The following IGF2BP2 variants were observed in gnomAD, a reference collection of about 807,000 sequenced individuals.
The protein encoded by IGF2BP2 is insulin-like growth factor 2 mRNA-binding protein 2.
IGF2BP2 carries 17 observed loss-of-function variants against 75.8 expected under a neutral mutation model. The observed-to-expected ratio is 0.22, with a 90% confidence interval of 0.15 to 0.34. IGF2BP2 has a LOEUF of 0.34. Ranked by LOEUF, IGF2BP2 falls within the 10% of genes least tolerant of loss-of-function variation. The pLI is 1.00. For missense variants in IGF2BP2, 516 were observed against 772.4 expected (o/e 0.67, Z 3.93); for synonymous variants, 288 against 295.6 (o/e 0.97, Z 0.26).
At chr3:185,653,659 T>C (rs1714969323) in intron 12 of IGF2BP2, among the ~76,000 whole-genome samples, 3 of 151,398 alleles carry the variant, frequency 2.0e-5, no homozygotes, top group African/African-American at 7.3e-5. Context: ...TTTAGGATTG[T>C]AAGGATGAGC....
intron 13 of IGF2BP2, among the ~76,000 whole-genome samples, chr3:185,650,766 T>TCCA (rs1201052447): frequency 6.6e-6 from 1 of 152,220 alleles, no homozygotes; most frequent in Non-Finnish European, 1.5e-5. Context: ...TCAGAACATT[T>TCCA]CCACACTATT....
At chr3:185,743,433 G>A (rs1026386445) in intron 2 of IGF2BP2, among the ~76,000 whole-genome samples, 1 of 151,984 alleles carries the variant, frequency 6.6e-6, no homozygotes, top group Non-Finnish European at 1.5e-5. Flanking sequence ...GTGTCACCAC[G>A]CCTGGCTAAT....
chr3:185,727,361 C>T (rs1174086278), intron 2 of IGF2BP2, among the ~76,000 whole-genome samples: 1 of 152,118 alleles, frequency 6.6e-6, no homozygotes, highest in Admixed American at 6.5e-5. Context: ...CCTCACAGAG[C>T]GGGCTATGCA....
chr3:185,697,792 C>T (rs1470353749), intron 3 of IGF2BP2, among the ~76,000 whole-genome samples: 3 of 152,060 alleles, frequency 2.0e-5, no homozygotes, highest in Non-Finnish European at 4.4e-5. Flanking sequence ...CGAGGCCAGC[C>T]TGGACAACAT....
chr3:185,677,732 C>T (rs756557944), intron 7 of IGF2BP2, among the ~76,000 whole-genome samples: 2 of 152,006 alleles, frequency 1.3e-5, no homozygotes, highest in Non-Finnish European at 2.9e-5. Flanking sequence ...AAAAATTATG[C>T]ATGAACAAAA....
At chr3:185,824,333 G>A (rs1741758896) in intron 1 of IGF2BP2, among the ~76,000 whole-genome samples, 1 of 151,356 alleles carries the variant, frequency 6.6e-6, no homozygotes, top group Non-Finnish European at 1.5e-5. Flanking sequence ...CACTGGAAGA[G>A]AGAAGGTCCG....
At chr3:185,669,504 T>C (rs1434411371) in intron 10 of IGF2BP2, among the ~76,000 whole-genome samples, 1 of 135,670 alleles carries the variant, frequency 7.4e-6, no homozygotes, top group Non-Finnish European at 1.5e-5. Context: ...CAAAAGTACA[T>C]ACTCCCTGCT....
chr3:185,677,007 G>T (rs1416587353), intron 7 of IGF2BP2, among the ~76,000 whole-genome samples: 1 of 121,838 alleles, frequency 8.2e-6, no homozygotes, highest in Non-Finnish European at 1.7e-5. Flanking sequence ...TATATGGAGA[G>T]ATTATATATA....
At chr3:185,739,475 A>C (rs1186761810) in intron 2 of IGF2BP2, among the ~76,000 whole-genome samples, 2 of 152,180 alleles carry the variant, frequency 1.3e-5, no homozygotes, top group African/African-American at 4.8e-5. Context: ...TCAAAAGGCA[A>C]ATAGATCTTC....
rs184463461 is a variant in IGF2BP2 at position 185,672,296 on chromosome 3, G to A, written c.1200+245C>T. On this transcript the variant is annotated intron_variant, in intron 10 of 15. Transcript: ENST00000382199. ...CTTCTAGTTGATGAATTTGCTATGAGTTTCTTTCTTTGCTAGTTATGACAT... is the reference window on the plus strand; with the variant it reads ...CTTCTAGTTGATGAATTTGCTATGAATTTCTTTCTTTGCTAGTTATGACAT... Among the ~76,000 whole-genome samples the A allele has an allele frequency of 1.6e-4, 25 of 152,274 alleles. No individual in the cohort carries two copies. In the South Asian group the frequency reaches 3.3e-3, roughly 20 times the overall value.
At chr3:185,721,068 C>T (rs1726457758) in intron 2 of IGF2BP2, among the ~76,000 whole-genome samples, 5 of 152,126 alleles carry the variant, frequency 3.3e-5, no homozygotes, top group Admixed American at 2.6e-4. Flanking sequence ...CTCCTGTGTA[C>T]TGTCAATAGA....
Position 185,645,703 on chromosome 3 carries a change from T to G in IGF2BP2, c.1708-80A>C. 9.7e-7 allele frequency: 1 copy of G among 1,035,144 alleles called. No homozygotes were observed. The highest frequency in any genetic ancestry group is 1.5e-6 in the Non-Finnish European group (1 of 658,552). 64.1% of individuals were successfully genotyped at this position (1,035,144 alleles called of 1,614,324 possible). The stretch of plus-strand genomic sequence containing the variant: ...TCTGAGGACAAACGGCAGGGGAGGC[T>G]CTGGGGCTTGGGGATGAAGGGTGGA... On this transcript the variant is annotated intron_variant, in intron 15 of 15. Coordinates refer to ENST00000382199, the MANE Select transcript of IGF2BP2 (RefSeq NM_006548.6). The surrounding 1 kb of genome is among the most constrained non-coding windows in gnomAD (Gnocchi z 4.9).
At chr3:185,736,603 T>C (rs2149541845) in intron 2 of IGF2BP2, among the ~76,000 whole-genome samples, 1 of 152,360 alleles carries the variant, frequency 6.6e-6, no homozygotes, top group Non-Finnish European at 1.5e-5. Context: ...TTACCCAATG[T>C]GGCCGTGAAT....
At chr3:185,791,766 T>C (rs1736672042) in intron 2 of IGF2BP2, among the ~76,000 whole-genome samples, 1 of 152,268 alleles carries the variant, frequency 6.6e-6, no homozygotes, top group Non-Finnish European at 1.5e-5. Context: ...GCTTATAGCA[T>C]CATGTAACCT....
intron 4 of IGF2BP2, 120 bp from the exon 5 acceptor site, chr3:185,692,882 T>C: frequency 1.3e-6 from 1 of 773,590 alleles, no homozygotes; most frequent in South Asian, 1.6e-5. Context: ...GGCTCCACAG[T>C]TATCTGCATC....
At chr3:185,816,610 C>T (rs945400016) in intron 2 of IGF2BP2, among the ~76,000 whole-genome samples, 8 of 152,142 alleles carry the variant, frequency 5.3e-5, no homozygotes, top group Non-Finnish European at 7.3e-5. Flanking sequence ...GGTTCTAGCC[C>T]TACTACTTAA....
At chr3:185,654,488 G>C (rs762429988) in intron 12 of IGF2BP2, among the ~76,000 whole-genome samples, 2 of 152,232 alleles carry the variant, frequency 1.3e-5, no homozygotes, top group East Asian at 3.9e-4. Flanking sequence ...CATGATTCAC[G>C]CTGACCAAAT....
At chr3:185,795,806 A>T (rs945272223) in intron 2 of IGF2BP2, among the ~76,000 whole-genome samples, 3 of 152,184 alleles carry the variant, frequency 2.0e-5, no homozygotes, top group African/African-American at 7.2e-5. Flanking sequence ...GAACTGCATG[A>T]ACCCAGCAGG....
intron 1 of IGF2BP2, among the ~76,000 whole-genome samples, chr3:185,823,676 G>T (rs893667772): frequency 6.6e-6 from 1 of 151,772 alleles, no homozygotes; most frequent in Non-Finnish European, 1.5e-5. Flanking sequence ...GTCCGCCGCA[G>T]CGACAGCCCT....
Sources: gnomAD v4.1 joint callset for allele counts (sites outside exome capture counted in the v4.1 genomes callset) on GRCh38, gnomAD v4.1.1 for gene constraint, Gnocchi (gnomAD v3.1) non-coding constraint, MANE v1.5 for transcripts, NCBI Gene and HGNC (gene_info 2026-07-23, HGNC 2026-07-21) for gene names.